RNF138: variants seen among roughly 807,000 people sequenced by gnomAD.
RNF138 encodes the protein E3 ubiquitin-protein ligase RNF138.
In RNF138, 12 loss-of-function variants were observed where a neutral mutation model predicts 31.0. The ratio of observed to expected loss-of-function variants is 0.39; its 90% CI spans 0.25 to 0.63. The LOEUF (loss-of-function observed/expected upper bound fraction) is 0.63, where lower values mean the gene tolerates loss of function less well. Ranked by LOEUF, RNF138 falls within the 20% of genes least tolerant of loss-of-function variation. The pLI is 0.52. For missense variants in RNF138, 192 were observed against 300.1 expected (o/e 0.64, Z 2.66); for synonymous variants, 105 against 99.5 (o/e 1.06, Z -0.33).
intron 3 of RNF138, among the ~76,000 whole-genome samples, chr18:32,112,741 G>A (rs2040153832): frequency 6.6e-6 from 1 of 152,164 alleles, no homozygotes; most frequent in African/African-American, 2.4e-5. Context: ...GAACATGTAG[G>A]AAAATCAGGT....
At chr18:32,128,336 A>G (rs2010813) in intron 7 of RNF138, among the ~76,000 whole-genome samples, 69,260 of 152,062 alleles carry the variant, frequency 0.46, 16,413 homozygotes, top group East Asian at 0.64. Context: ...TCAGCAGTTC[A>G]AGACCAGCCT....
intron 7 of RNF138, among the ~76,000 whole-genome samples, chr18:32,128,034 C>A (rs1264374530): frequency 2.0e-5 from 3 of 152,276 alleles, no homozygotes; most frequent in South Asian, 4.1e-4. Flanking sequence ...GCGTGAAGAT[C>A]ACGCCACTGC....
intron 2 of RNF138, among the ~76,000 whole-genome samples, chr18:32,103,267 T>C (rs1213835277): frequency 6.6e-6 from 1 of 152,120 alleles, no homozygotes; most frequent in Non-Finnish European, 1.5e-5. Context: ...TTGTTCACTG[T>C]AGCTTTGAAC....
At chr18:32,104,185 T>A (rs2039990702) in intron 2 of RNF138, among the ~76,000 whole-genome samples, 1 of 151,788 alleles carries the variant, frequency 6.6e-6, no homozygotes, top group African/African-American at 2.4e-5. Context: ...GGCGAATTTT[T>A]GTATTTTAGT....
chr18:32,095,956 G>T lies in RNF138; in HGVS notation c.110+3070G>T, dbSNP rs142526036. Among the ~76,000 whole-genome samples, 7 of 152,312 alleles carry T rather than the reference G, an allele frequency of 4.6e-5. No individual in the cohort carries two copies. The East Asian group carries it at 1.3e-3, about 29-fold the overall frequency. On this transcript the variant is annotated intron_variant, in intron 2 of 7. Transcript: ENST00000261593. ...AAAGGATAGGGATAATTTCCTAGAT[G>T]AAGTAATGCCTTAGGTCAGCGTTTG...
chr18:32,130,921 C>CTT lies in RNF138; in HGVS notation c.*1737_*1738dup, dbSNP rs983244266. 1 of 140,290 alleles carries CTT rather than the reference C, an allele frequency of 7.1e-6. No individual in the cohort carries two copies. The highest frequency in any genetic ancestry group is 2.6e-5 in the African/African-American group (1 of 37,854). The allele number at this position is 140,290 out of a possible 1,614,324, so 8.7% of individuals were successfully genotyped here. A position where few individuals can be genotyped will look rare whatever the true frequency, so the allele number is the denominator to read the frequency against. ...TTTAAAAAACAGCTCCTTTTTAAGA[C>CTT]TTTTGACCATAGTGTTTTCCAGTTT... On this transcript the variant is annotated 3_prime_UTR_variant, in exon 8 of 8. Coordinates refer to ENST00000261593, the MANE Select transcript of RNF138 (RefSeq NM_016271.5).
intron 3 of RNF138, among the ~76,000 whole-genome samples, chr18:32,112,433 C>T (rs570744344): frequency 6.6e-6 from 1 of 152,270 alleles, no homozygotes; most frequent in South Asian, 2.1e-4. Context: ...GCCTGTAATC[C>T]CAGCACTTAT....
At chr18:32,121,810 A>G (rs1053656677) in intron 4 of RNF138, among the ~76,000 whole-genome samples, 1 of 152,306 alleles carries the variant, frequency 6.6e-6, no homozygotes, top group Admixed American at 6.5e-5. Context: ...CTTTATTTTA[A>G]AGAGCAGGTT....
rs548698044 is a variant in RNF138 at position 32,107,811 on chromosome 18, C to T, written c.111-3943C>T. Among the ~76,000 whole-genome samples, 9 of 151,748 alleles carry T rather than the reference C, an allele frequency of 5.9e-5. No homozygotes were observed. The South Asian group carries it at 1.7e-3, about 28-fold the overall frequency. On this transcript the variant is annotated intron_variant, in intron 2 of 7. Transcript: ENST00000261593. ...GGATTACAGGTGTGAGCCACTGTGC[C>T]GGCCTTATTTAATTATTTTTATAAC...
chr18:32,108,008 C>T (rs1294497857), intron 2 of RNF138, among the ~76,000 whole-genome samples: 4 of 151,958 alleles, frequency 2.6e-5, no homozygotes, highest in African/African-American at 9.7e-5. Context: ...GCACCTGCCA[C>T]CACACCTGGC....
intron 4 of RNF138, among the ~76,000 whole-genome samples, chr18:32,114,854 T>G (rs1238062944): frequency 1.3e-5 from 2 of 151,672 alleles, no homozygotes; most frequent in African/African-American, 2.4e-5. Context: ...ATTAGGCGTC[T>G]TCCCTACTCA....
chr18:32,099,782 T>G (rs1300319423), intron 2 of RNF138, among the ~76,000 whole-genome samples: 1 of 152,236 alleles, frequency 6.6e-6, no homozygotes, highest in Non-Finnish European at 1.5e-5. Context: ...TCAGTTTCAC[T>G]GGTTAGGCTG....
chr18:32,115,470 C>T (rs970682365), intron 4 of RNF138, among the ~76,000 whole-genome samples: 4 of 152,214 alleles, frequency 2.6e-5, no homozygotes, highest in African/African-American at 4.8e-5. Context: ...TCTGGCTGGG[C>T]GCGGTGGCTC....
chr18:32,106,202 TTAG>T (rs1363322775), intron 2 of RNF138, among the ~76,000 whole-genome samples: 2 of 152,218 alleles, frequency 1.3e-5, no homozygotes, highest in African/African-American at 2.4e-5. Flanking sequence ...TTGGGTTTTG[TTAG>T]TAGTCTGGCG....
At chr18:32,097,875 T>A (rs2039838743) in intron 2 of RNF138, among the ~76,000 whole-genome samples, 1 of 152,012 alleles carries the variant, frequency 6.6e-6, no homozygotes, top group Admixed American at 6.6e-5. Context: ...GCTATATATA[T>A]GTATATATGT....
At chr18:32,105,800 A>G (rs552340979) in intron 2 of RNF138, among the ~76,000 whole-genome samples, 9 of 152,222 alleles carry the variant, frequency 5.9e-5, no homozygotes, top group African/African-American at 2.2e-4. Context: ...GATGGACTGA[A>G]TGTCGTCTGT....
intron 2 of RNF138, among the ~76,000 whole-genome samples, chr18:32,104,620 A>G (rs569061117): frequency 3.2e-4 from 49 of 152,330 alleles, no homozygotes; most frequent in Non-Finnish European, 6.5e-4. Context: ...ATATCTTTAT[A>G]CCAGCAGTAA....
chr18:32,103,435 C>T (rs1378790347), intron 2 of RNF138, among the ~76,000 whole-genome samples: 4 of 151,984 alleles, frequency 2.6e-5, no homozygotes, highest in African/African-American at 9.7e-5. Context: ...TCAAATAATC[C>T]TCCTGCCTCA....
intron 4 of RNF138, among the ~76,000 whole-genome samples, chr18:32,115,473 G>A (rs368944212): frequency 4.6e-5 from 7 of 152,236 alleles, no homozygotes; most frequent in East Asian, 3.9e-4. Context: ...GGCTGGGCGC[G>A]GTGGCTCACA....
Sources: allele counts gnomAD v4.1 joint callset (sites outside exome capture counted in the v4.1 genomes callset), GRCh38; gene constraint gnomAD v4.1.1; transcripts MANE v1.5; gene names NCBI Gene and HGNC (gene_info 2026-07-23, HGNC 2026-07-21).